VAV2: variants seen among roughly 807,000 people sequenced by gnomAD.
VAV2 encodes vav guanine nucleotide exchange factor 2.
In VAV2, 67 loss-of-function variants were observed where a neutral mutation model predicts 132.5. The observed-to-expected ratio is 0.51, with a 90% CI of 0.42 to 0.62. The LOEUF (loss-of-function observed/expected upper bound fraction) is 0.62. VAV2 is among the 20% of genes least tolerant of loss of function. VAV2 has a pLI of 0.00. For missense variants in VAV2, 938 were observed against 1,153.6 expected, an observed-to-expected ratio of 0.81 and a Z score of 2.71; for synonymous variants, 492 against 443.5, an observed-to-expected ratio of 1.11 and a Z score of -1.37.
At chr9:133,908,412 T>A (rs548288247) in intron 2 of VAV2, among the ~76,000 whole-genome samples, 191 of 151,906 alleles carry the variant, frequency 1.3e-3, no homozygotes, top group African/African-American at 4.5e-3. Context: ...GTGGGGGCCC[T>A]CGGTCACTCA....
At chr9:133,792,657 C>T (rs1305485711) in intron 12 of VAV2, among the ~76,000 whole-genome samples, 1 of 150,234 alleles carries the variant, frequency 6.7e-6, no homozygotes, top group African/African-American at 2.5e-5. Context: ...CACATACATG[C>T]AGGAGCTCAG....
intron 13 of VAV2, 36 bp from the exon 14 acceptor site, chr9:133,789,379 G>T (rs12351783): frequency 6.2e-7 from 1 of 1,605,514 alleles, no homozygotes; most frequent in East Asian, 2.2e-5. Flanking sequence ...GCCGGGGCTG[G>T]AGCAGCCCCA....
chr9:133,882,132 G>A (rs1488677837), intron 2 of VAV2, among the ~76,000 whole-genome samples: 1 of 152,256 alleles, frequency 6.6e-6, no homozygotes, highest in Admixed American at 6.5e-5. Context: ...GGACACAGTG[G>A]ACAGACAGGC....
At chr9:133,812,920 G>A (rs1465670915) in intron 4 of VAV2, among the ~76,000 whole-genome samples, 3 of 152,204 alleles carry the variant, frequency 2.0e-5, no homozygotes, top group Non-Finnish European at 2.9e-5. Flanking sequence ...GACTCTTGCA[G>A]ACGCTCGTGT....
chr9:133,921,808 T>A (rs1270242162), intron 2 of VAV2, among the ~76,000 whole-genome samples: 1 of 152,098 alleles, frequency 6.6e-6, no homozygotes, highest in Admixed American at 6.5e-5. Flanking sequence ...CAACCGCGGA[T>A]GAACTTGAGT....
intron 3 of VAV2, among the ~76,000 whole-genome samples, chr9:133,835,044 G>A (rs1264233537): frequency 2.6e-5 from 4 of 151,828 alleles, no homozygotes; most frequent in Non-Finnish European, 5.9e-5. Context: ...TGCAGTTCAC[G>A]ATGGTATAGA....
intron 1 of VAV2, among the ~76,000 whole-genome samples, chr9:133,962,673 A>C (rs1842004850): frequency 6.6e-6 from 1 of 152,144 alleles, no homozygotes; most frequent in South Asian, 2.1e-4. Flanking sequence ...TGTGAACACC[A>C]ACATTTTAGT....
intron 19 of VAV2, among the ~76,000 whole-genome samples, chr9:133,782,732 G>A (rs902910864): frequency 2.0e-5 from 3 of 152,196 alleles, no homozygotes; most frequent in Non-Finnish European, 4.4e-5. Context: ...TTGAATAGAA[G>A]CTCTGCTAAT....
At chr9:133,901,631 G>A (rs1839446189) in intron 2 of VAV2, among the ~76,000 whole-genome samples, 1 of 152,246 alleles carries the variant, frequency 6.6e-6, no homozygotes, top group Non-Finnish European at 1.5e-5. Flanking sequence ...TCCAGCAAGG[G>A]CCCGGAGCTG....
chr9:133,834,247 C>T lies in VAV2; in HGVS notation c.449+25G>A. 3 of 1,586,578 alleles carry T rather than the reference C, an allele frequency of 1.9e-6. No individual in the cohort carries two copies. The highest frequency in any genetic ancestry group is 2.6e-6 in the Non-Finnish European group (3 of 1,162,594). On this transcript the variant is annotated intron_variant, in intron 4 of 29. Coordinates refer to ENST00000371850, the MANE Select transcript of VAV2 (RefSeq NM_001134398.2). This position sits in a 1 kb window ranked among gnomAD's most constrained non-coding sequence, Gnocchi z 5.9. ...CTCCCTGCCCCTCCCTCCTCTCCAT[C>T]CCTCCTCCCATCCCCCCGCCTTACT...
chr9:133,830,085 A>G (rs527565050), intron 4 of VAV2, among the ~76,000 whole-genome samples: 18 of 152,248 alleles, frequency 1.2e-4, no homozygotes, highest in African/African-American at 4.3e-4. Context: ...TGGTGTCCTA[A>G]AACCACATTT....
At chr9:133,779,633 G>C (rs1390709134) in intron 21 of VAV2, among the ~76,000 whole-genome samples, 2 of 152,242 alleles carry the variant, frequency 1.3e-5, no homozygotes, top group African/African-American at 4.8e-5. Context: ...CAGGTCTCTG[G>C]CTGCAGTTCG....
intron 2 of VAV2, among the ~76,000 whole-genome samples, chr9:133,880,372 T>C (rs926844619): frequency 3.3e-5 from 5 of 152,122 alleles, no homozygotes; most frequent in Non-Finnish European, 5.9e-5. Flanking sequence ...ACTCATGAGA[T>C]GATAAAGGCG....
chr9:133,815,285 A>G (rs954523021), intron 4 of VAV2, among the ~76,000 whole-genome samples: 1 of 152,080 alleles, frequency 6.6e-6, no homozygotes, highest in African/African-American at 2.4e-5. Flanking sequence ...CTGCGTCTGA[A>G]GCTTGGTGAG....
intron 2 of VAV2, among the ~76,000 whole-genome samples, chr9:133,937,531 T>TGTGTGTGCGC (rs1840969527): frequency 1.9e-5 from 2 of 104,124 alleles, no homozygotes; most frequent in Admixed American, 9.3e-5. Context: ...TGTGAGAGTG[T>TGTGTGTGCGC]GTGTGAGAGT....
chr9:133,905,344 G>A (rs1304089690), intron 2 of VAV2, among the ~76,000 whole-genome samples: 1 of 149,114 alleles, frequency 6.7e-6, no homozygotes, highest in Non-Finnish European at 1.5e-5. Flanking sequence ...GCTGAGGCAG[G>A]AGAATGGTGT....
At chr9:133,882,711 G>A (rs765693374) in intron 2 of VAV2, among the ~76,000 whole-genome samples, 2 of 152,154 alleles carry the variant, frequency 1.3e-5, no homozygotes, top group Non-Finnish European at 2.9e-5. Context: ...ACTTGGCTAT[G>A]GCAGAGAGTG....
chr9:133,843,302 T>A (rs532565507), intron 3 of VAV2, among the ~76,000 whole-genome samples: 494 of 152,288 alleles, frequency 3.2e-3, no homozygotes, highest in African/African-American at 0.011. Context: ...TTCTCGCAGG[T>A]GGCGGCAAGG....
intron 1 of VAV2, among the ~76,000 whole-genome samples, chr9:133,964,054 T>TAC (rs1842063153): frequency 7.6e-6 from 1 of 131,532 alleles, no homozygotes; most frequent in Non-Finnish European, 1.6e-5. Context: ...TATATACATA[T>TAC]ATATACATAT....
Sources: allele counts gnomAD v4.1 joint callset (sites outside exome capture counted in the v4.1 genomes callset), GRCh38; gene constraint gnomAD v4.1.1; non-coding constraint Gnocchi (gnomAD v3.1); transcripts MANE v1.5; gene names NCBI Gene and HGNC (gene_info 2026-07-23, HGNC 2026-07-21).